Variants in LARP1 observed in about 807,000 individuals in gnomAD.
LARP1 encodes La ribonucleoprotein 1, translational regulator.
In LARP1, 36 loss-of-function variants were observed where a neutral mutation model predicts 122.7. The observed-to-expected ratio is 0.29, with a 90% confidence interval of 0.22 to 0.39. The LOEUF (loss-of-function observed/expected upper bound fraction) is 0.39, where lower values mean the gene tolerates loss of function less well. Ranked by LOEUF, LARP1 falls within the 10% of genes least tolerant of loss-of-function variation. The pLI, the probability that LARP1 is intolerant of heterozygous loss-of-function variation, is 1.00. For synonymous variants in LARP1, 539 were observed against 528.7 expected (o/e 1.02, Z -0.27); for missense variants, 1,040 against 1,403.6 (o/e 0.74, Z 4.14).
intron 9 of LARP1, 26 bp downstream of exon 9, chr5:154,799,785 G>A (rs1279335405): frequency 5.6e-6 from 9 of 1,613,366 alleles, no homozygotes; most frequent in Non-Finnish European, 7.6e-6. Context: ...CATGAAGATT[G>A]CCCTTGTCCT....
intron 1 of LARP1, among the ~76,000 whole-genome samples, chr5:154,773,888 G>C (rs549865725): frequency 6.6e-6 from 1 of 152,272 alleles, no homozygotes; most frequent in South Asian, 2.1e-4. Flanking sequence ...AGTTGCAGAA[G>C]GGGACATGGG....
At chr5:154,712,080 T>A (rs1755246905), upstream of LARP1, among the ~76,000 whole-genome samples, 1 of 152,266 alleles carries the variant, frequency 6.6e-6, no homozygotes, top group African/African-American at 2.4e-5. Context: ...TTCTTGACTT[T>A]CTTGTTCATT....
chr5:154,736,812 C>T (rs1169488926), intron 1 of LARP1, among the ~76,000 whole-genome samples: 1 of 148,770 alleles, frequency 6.7e-6, no homozygotes, highest in Admixed American at 6.7e-5. Context: ...GTGATCAGCC[C>T]GCCTCAGCCT....
chr5:154,747,601 G>C (rs1391548706), intron 1 of LARP1, among the ~76,000 whole-genome samples: 1 of 152,162 alleles, frequency 6.6e-6, no homozygotes, highest in African/African-American at 2.4e-5. Flanking sequence ...GGAGGCTGAG[G>C]CAGGAGAATC....
At chr5:154,703,274 A>G (rs577889105) in intron 1 of LARP1, among the ~76,000 whole-genome samples, 5 of 152,230 alleles carry the variant, frequency 3.3e-5, no homozygotes, top group South Asian at 4.1e-4. Context: ...GCAAACTCCT[A>G]TCTATACACT....
At position 154,814,293 on chromosome 5, in the gene LARP1, T is replaced by G; in HGVS notation, c.*197T>G. The G allele has an allele frequency of 1.9e-6, 1 of 522,126 alleles. No homozygotes were observed. 32.3% of individuals were successfully genotyped at this position (522,126 alleles called of 1,614,324 possible). On this transcript the variant is annotated 3_prime_UTR_variant, in exon 19 of 19. Transcript: ENST00000518297. ...CTGGGCAGGAGCCTCTACATCCCCT[T>G]CCCCCTCCTCTCTCCATGACTCTTG... is the stretch of plus-strand genomic sequence containing the variant.
rs188624698 is a variant in LARP1, at chr5:154,808,474, G to A, written c.2714G>A (p.Gly905Asp). The A allele has an allele frequency of 6.2e-7, 1 of 1,613,062 alleles. No individual in the cohort carries two copies. Among genetic ancestry groups the A allele is most frequent in the East Asian group, 2.2e-5 (1 of 44,830 alleles). Reference protein sequence around the residue: ...RRCLNERKRLGIGQSQEMNTL... With the variant: ...RRCLNERKRLDIGQSQEMNTL... ...TTCCCATCAGAGCGGAAACGCTTGG[G>A]CATTGGCCAGTCTCAGGAGATGAAC... The change falls in exon 16 of 19, where the codon GGC becomes GAC. Residue 905 changes from glycine to aspartate, a missense_variant. Coordinates refer to ENST00000518297, the MANE Select transcript of LARP1 (RefSeq NM_033551.3).
Position 154,803,818 on chromosome 5 carries a change from C to T in LARP1, c.2439+73C>T. 1 of 1,434,074 alleles carries T rather than the reference C, an allele frequency of 7.0e-7. No homozygotes were observed. Among genetic ancestry groups the T allele is most frequent in the East Asian group, 2.4e-5 (1 of 42,532 alleles). The allele number at this position is 1,434,074 out of a possible 1,614,324, so 88.8% of individuals were successfully genotyped here. A position where few individuals can be genotyped will look rare whatever the true frequency, so the allele number is the denominator to read the frequency against. On this transcript the variant is annotated intron_variant, in intron 13 of 18. Coordinates refer to ENST00000518297, the MANE Select transcript of LARP1 (RefSeq NM_033551.3). The surrounding 1 kb of genome is among the most constrained non-coding windows in gnomAD (Gnocchi z 4.4). ...GCATTCCAGTGCTTTGCTTCTCTCC[C>T]TTGCCTTGTCTGAGCTAAGGAAGTG...
At chr5:154,741,170 G>A (rs867037643) in intron 1 of LARP1, among the ~76,000 whole-genome samples, 6 of 152,152 alleles carry the variant, frequency 3.9e-5, no homozygotes, top group African/African-American at 7.2e-5. Flanking sequence ...GATGCAACAC[G>A]CCAGGCTCAC....
chr5:154,732,264 G>C (rs1222376373), intron 1 of LARP1, among the ~76,000 whole-genome samples: 2 of 151,288 alleles, frequency 1.3e-5, no homozygotes, highest in Non-Finnish European at 2.9e-5. Context: ...ACAGAGCAAA[G>C]AGGCAGGGAT....
chr5:154,729,459 A>G (rs760707676), intron 1 of LARP1: 8 of 386,596 alleles, frequency 2.1e-5, no homozygotes, highest in Non-Finnish European at 4.0e-5. Context: ...TAAACAAACA[A>G]GAGCAAGATT....
chr5:154,789,813 A>T (rs1252141009), intron 1 of LARP1, among the ~76,000 whole-genome samples: 6 of 152,228 alleles, frequency 3.9e-5, no homozygotes, highest in Non-Finnish European at 7.3e-5. Flanking sequence ...TTTCCTGAGC[A>T]GCTGGCCCTG....
chr5:154,719,913 C>T (rs182742012), intron 1 of LARP1, among the ~76,000 whole-genome samples: 1 of 151,106 alleles, frequency 6.6e-6, no homozygotes, highest in Non-Finnish European at 1.5e-5. Flanking sequence ...TAACACTGGC[C>T]GGGCATGGTG....
chr5:154,792,913 A>C lies in LARP1; in HGVS notation c.739+117A>C, dbSNP rs1207912376. ...GCCACCTCTGAAAAGTCAATGGGGA[A>C]ACTGATGGATGTAGGCTGGTGAGAT... On this transcript the variant is annotated intron_variant, in intron 4 of 18. Transcript: ENST00000518297. 4 of 925,744 alleles carry C rather than the reference A, an allele frequency of 4.3e-6. No individual in the cohort carries two copies. The African/African-American group carries it at 6.6e-5, about 15-fold the overall frequency. The allele number at this position is 925,744 out of a possible 1,614,324, so 57.3% of individuals were successfully genotyped here.
intron 18 of LARP1, among the ~76,000 whole-genome samples, chr5:154,812,111 G>A (rs1008365009): frequency 2.1e-4 from 32 of 152,198 alleles, no homozygotes; most frequent in African/African-American, 7.0e-4. Flanking sequence ...GGAAGTTGGA[G>A]TGATTTAATT....
chr5:154,692,107 G>A (rs1168466324), intron 1 of LARP1, among the ~76,000 whole-genome samples: 1 of 152,162 alleles, frequency 6.6e-6, no homozygotes. Context: ...GGTCCCTTTC[G>A]AAGGAAACCT....
chr5:154,755,499 G>C lies in LARP1; in HGVS notation c.-259G>C, dbSNP rs1045306591. On this transcript the variant is annotated 5_prime_UTR_variant, in exon 1 of 19. Transcript: ENST00000518297. ...GGGGCGTCTTGCGAGGAACGGGCGG[G>C]GGGGGACGCACGCCTAGGAGGCCTG... 3.1e-6 allele frequency: 3 copies of C among 962,272 alleles called. No individual in the cohort carries two copies. The highest frequency in any genetic ancestry group is 2.5e-6 in the Non-Finnish European group (2 of 807,418). The allele number at this position is 962,272 out of a possible 1,614,324, so 59.6% of individuals were successfully genotyped here. A position where few individuals can be genotyped will look rare whatever the true frequency, so the allele number is the denominator to read the frequency against.
In LARP1 at chr5:154,755,846, C is replaced by G; in HGVS notation, c.89C>G (p.Pro30Arg). The change falls in exon 1 of 19, where the codon CCG becomes CGG. Residue 30 changes from proline (P) to arginine (R), a missense_variant. By Grantham distance (103) the Pro-to-Arg change is moderately radical (BLOSUM62 -2). This residue lies in a region of LARP1 where 257 missense variants were observed against 273.3 expected (regional missense o/e 0.94). Coordinates refer to ENST00000518297, the MANE Select transcript of LARP1 (RefSeq NM_033551.3). ...GGGGGGCTGGTGAGGAAGAAGCCGC[C>G]GCCGGCGCCCGAGGGCAAGGGCGAG... ...EHGGLVRKKP[P>R]PAPEGKGEPG... 1 of 1,004,350 alleles carries G rather than the reference C, an allele frequency of 1.0e-6. No individual in the cohort carries two copies. Among genetic ancestry groups the G allele is most frequent in the Non-Finnish European group, 1.2e-6 (1 of 841,076 alleles). 62.2% of individuals were successfully genotyped at this position (1,004,350 alleles called of 1,614,324 possible).
intron 1 of LARP1, among the ~76,000 whole-genome samples, chr5:154,787,433 C>A (rs1299635221): frequency 6.6e-6 from 1 of 152,142 alleles, no homozygotes; most frequent in African/African-American, 2.4e-5. Context: ...CGTGTGCACA[C>A]GTGCTCCAGT....
Sources: gnomAD v4.1 joint callset for allele counts (sites outside exome capture counted in the v4.1 genomes callset) on GRCh38, gnomAD v4.1.1 for gene constraint, gnomAD v4.1.1 regional missense constraint, Gnocchi (gnomAD v3.1) non-coding constraint, MANE v1.5 for transcripts, NCBI Gene and HGNC (gene_info 2026-07-23, HGNC 2026-07-21) for gene names.